CNTN5: variants seen among roughly 807,000 people sequenced by gnomAD.
CNTN5 encodes contactin-5.
Under a neutral mutation model 129.1 loss-of-function variants are expected in CNTN5, and 77 were observed. The ratio of observed to expected loss-of-function variants is 0.60; its 90% CI spans 0.50 to 0.72. The LOEUF is 0.72. Among genes scored for constraint, CNTN5 ranks in the 30% least tolerant of loss-of-function variants. The probability of loss-of-function intolerance (pLI) is 0.00; values close to 1 mark genes in which losing one functional copy is unlikely to be tolerated. For missense variants in CNTN5, 1,478 were observed against 1,328.8 expected, an observed-to-expected ratio of 1.11 and a Z score of -1.75; for synonymous variants, 509 against 465.6, an observed-to-expected ratio of 1.09 and a Z score of -1.20.
intron 1 of CNTN5, among the ~76,000 whole-genome samples, chr11:99,109,115 A>G (rs1466068997): frequency 6.6e-6 from 1 of 151,768 alleles, no homozygotes; most frequent in Non-Finnish European, 1.5e-5. Context: ...TAGTATATGT[A>G]CATGTCTATA....
intron 3 of CNTN5, among the ~76,000 whole-genome samples, chr11:99,657,975 A>G (rs1169277879): frequency 6.6e-6 from 1 of 152,146 alleles, no homozygotes; most frequent in Non-Finnish European, 1.5e-5. Flanking sequence ...ATGCAATTAT[A>G]TGCTTTTAAA....
At chr11:100,282,900 C>T (rs1356313935) in intron 18 of CNTN5, among the ~76,000 whole-genome samples, 1 of 152,220 alleles carries the variant, frequency 6.6e-6, no homozygotes, top group African/African-American at 2.4e-5. Context: ...TGCCAGTCTA[C>T]TGCCAGTGTT....
intron 13 of CNTN5, among the ~76,000 whole-genome samples, chr11:100,113,528 C>G (rs1173353160): frequency 6.9e-6 from 1 of 144,528 alleles, no homozygotes; most frequent in East Asian, 2.0e-4. Context: ...TGAAAAGTAC[C>G]AACACCAAAA....
chr11:100,173,485 C>G (rs1947879421), intron 13 of CNTN5, among the ~76,000 whole-genome samples: 1 of 152,118 alleles, frequency 6.6e-6, no homozygotes, highest in South Asian at 2.1e-4. Context: ...GATGACAAGA[C>G]AGAGCAGTGG....
At chr11:99,254,577 C>T (rs902948271) in intron 1 of CNTN5, among the ~76,000 whole-genome samples, 1 of 151,904 alleles carries the variant, frequency 6.6e-6, no homozygotes, top group Non-Finnish European at 1.5e-5. Flanking sequence ...GTAATATGAA[C>T]TATATTTGTC....
chr11:99,749,517 T>C (rs978353163), intron 3 of CNTN5, among the ~76,000 whole-genome samples: 1 of 152,242 alleles, frequency 6.6e-6, no homozygotes, highest in Admixed American at 6.5e-5. Flanking sequence ...TCTTTTTAAA[T>C]ACTTTAAATT....
chr11:99,269,710 T>C (rs1217530691), intron 1 of CNTN5, among the ~76,000 whole-genome samples: 1 of 147,960 alleles, frequency 6.8e-6, no homozygotes, highest in East Asian at 1.9e-4. Flanking sequence ...AAATGTACTA[T>C]AAGATAATTG....
In CNTN5 at chr11:99,974,698, A is replaced by G. The variant is rs564214408; in HGVS notation, c.877+17689A>G. 3.9e-5 allele frequency among the ~76,000 whole-genome samples: 6 copies of G among 152,332 alleles called. No individual in the cohort carries two copies. The East Asian group carries it at 1.2e-3, about 29-fold the overall frequency. On this transcript the variant is annotated intron_variant, in intron 8 of 24. Transcript: ENST00000524871. ...GACAGAATTCATCTATAGGGAATGTAAGGTTGCCTGCTACATAGTGTGTTA... is the reference window on the plus strand; with the variant it reads ...GACAGAATTCATCTATAGGGAATGTGAGGTTGCCTGCTACATAGTGTGTTA...
intron 3 of CNTN5, among the ~76,000 whole-genome samples, chr11:99,811,354 T>C (rs1450464658): frequency 1.3e-5 from 2 of 151,632 alleles, no homozygotes; most frequent in Non-Finnish European, 2.9e-5. Flanking sequence ...TACTTTAAAA[T>C]ATATTTTTAT....
intron 2 of CNTN5, among the ~76,000 whole-genome samples, chr11:99,371,121 A>G (rs1337004055): frequency 6.6e-6 from 1 of 152,150 alleles, no homozygotes; most frequent in Admixed American, 6.5e-5. Flanking sequence ...AAGGAGATGC[A>G]TGTTTTTTAT....
chr11:99,247,868 A>C (rs2135781000), intron 1 of CNTN5, among the ~76,000 whole-genome samples: 1 of 152,178 alleles, frequency 6.6e-6, no homozygotes, highest in African/African-American at 2.4e-5. Flanking sequence ...TCATTGTTGG[A>C]CATTTGGGTT....
intron 2 of CNTN5, among the ~76,000 whole-genome samples, chr11:99,531,162 T>C (rs1029585155): frequency 6.6e-6 from 1 of 152,138 alleles, no homozygotes; most frequent in Non-Finnish European, 1.5e-5. Context: ...TGAGGTGGTC[T>C]CAGATGGAGA....
At chr11:99,532,457 G>A (rs765761425) in intron 2 of CNTN5, among the ~76,000 whole-genome samples, 1 of 152,126 alleles carries the variant, frequency 6.6e-6, no homozygotes, top group Non-Finnish European at 1.5e-5. Context: ...CTGTTGGGAA[G>A]GTATGATTGG....
At chr11:100,163,550 G>A (rs1947526359) in intron 13 of CNTN5, among the ~76,000 whole-genome samples, 1 of 151,814 alleles carries the variant, frequency 6.6e-6, no homozygotes, top group Admixed American at 6.6e-5. Context: ...AATAAATACA[G>A]TATACAACTT....
chr11:99,423,165 A>G (rs913961798), intron 2 of CNTN5, among the ~76,000 whole-genome samples: 1 of 152,176 alleles, frequency 6.6e-6, no homozygotes, highest in Non-Finnish European at 1.5e-5. Context: ...AGAGGACTTG[A>G]CAGGACTATT....
chr11:100,286,945 A>T (rs1950809304), intron 18 of CNTN5, among the ~76,000 whole-genome samples: 1 of 152,162 alleles, frequency 6.6e-6, no homozygotes, highest in Admixed American at 6.5e-5. Flanking sequence ...AAGCTCGAGA[A>T]CTACGTGAAG....
intron 2 of CNTN5, among the ~76,000 whole-genome samples, chr11:99,496,263 T>A (rs546645809): frequency 6.6e-6 from 1 of 152,252 alleles, no homozygotes; most frequent in African/African-American, 2.4e-5. Context: ...TAGGAACCCA[T>A]GAAAAATGAT....
At chr11:99,808,691 A>G (rs578199699) in intron 3 of CNTN5, among the ~76,000 whole-genome samples, 6 of 152,292 alleles carry the variant, frequency 3.9e-5, no homozygotes, top group Non-Finnish European at 8.8e-5. Flanking sequence ...AACCATAAAC[A>G]TATTTCCAAT....
intron 1 of CNTN5, among the ~76,000 whole-genome samples, chr11:99,033,663 T>G (rs1414415185): frequency 2.0e-5 from 3 of 150,964 alleles, no homozygotes; most frequent in Admixed American, 1.3e-4. Context: ...TTAAGGAGAT[T>G]TTGGGCTGAG....
Sources: allele counts gnomAD v4.1 joint callset (sites outside exome capture counted in the v4.1 genomes callset), GRCh38; gene constraint gnomAD v4.1.1; transcripts MANE v1.5; gene names NCBI Gene and HGNC (gene_info 2026-07-23, HGNC 2026-07-21).